Variants in FBXL17 observed in about 807,000 individuals in gnomAD.
FBXL17 encodes the protein F-box/LRR-repeat protein 17.
A neutral mutation model predicts 66.2 loss-of-function variants in FBXL17; 22 were observed. The ratio of observed to expected loss-of-function variants is 0.33; its 90% CI spans 0.24 to 0.47. The LOEUF (loss-of-function observed/expected upper bound fraction) is 0.47. Ranked by LOEUF, FBXL17 falls within the 20% of genes least tolerant of loss-of-function variation. FBXL17 has a pLI of 1.00. For missense variants in FBXL17, 878 were observed against 948.2 expected (o/e 0.93, Z 0.97); for synonymous variants, 474 against 400.5 (o/e 1.18, Z -2.19).
Position 108,100,168 on chromosome 5 carries a change from T to C in FBXL17, c.1746-79167A>G, listed in dbSNP as rs144810023. ...AGTAAAAATAGATTATTTACAATTG[T>C]ATTATTTGCATAGCATACAAATTTT... On this transcript the variant is annotated intron_variant, in intron 6 of 8. Transcript: ENST00000542267. 1.5e-4 allele frequency among the ~76,000 whole-genome samples: 23 copies of C among 152,290 alleles called. No homozygotes were observed. The East Asian group carries it at 3.3e-3, about 22-fold the overall frequency.
intron 6 of FBXL17, among the ~76,000 whole-genome samples, chr5:108,085,697 G>A (rs1358959878): frequency 1.3e-5 from 2 of 152,180 alleles, no homozygotes; most frequent in Non-Finnish European, 2.9e-5. Context: ...CACACTGGGA[G>A]GCAGAGACAA....
intron 7 of FBXL17, among the ~76,000 whole-genome samples, chr5:107,974,514 A>G (rs916887074): frequency 4.6e-5 from 7 of 152,166 alleles, no homozygotes; most frequent in Middle Eastern, 3.2e-3. Flanking sequence ...TTTCCATCAG[A>G]CAATATTTCT....
chr5:108,057,719 G>A (rs1015659102), intron 6 of FBXL17, among the ~76,000 whole-genome samples: 4 of 152,102 alleles, frequency 2.6e-5, no homozygotes, highest in South Asian at 2.1e-4. Flanking sequence ...TCTTAAATCC[G>A]TCCTAAGGGA....
At chr5:108,187,803 C>G (rs999557815) in intron 5 of FBXL17, among the ~76,000 whole-genome samples, 35 of 152,208 alleles carry the variant, frequency 2.3e-4, no homozygotes, top group African/African-American at 8.0e-4. Context: ...CTGTGTCAGA[C>G]AGGCTTCTAA....
intron 7 of FBXL17, among the ~76,000 whole-genome samples, chr5:108,002,063 T>A (rs1183148672): frequency 6.6e-6 from 1 of 152,128 alleles, no homozygotes; most frequent in Non-Finnish European, 1.5e-5. Context: ...TCACCCAGGT[T>A]GGAGTGCAAT....
chr5:107,943,063 C>T (rs1561331982), intron 7 of FBXL17, among the ~76,000 whole-genome samples: 1 of 152,158 alleles, frequency 6.6e-6, no homozygotes, highest in African/African-American at 2.4e-5. Context: ...TATTTGCTTG[C>T]TCTTGCTGGC....
intron 7 of FBXL17, among the ~76,000 whole-genome samples, chr5:107,926,161 C>T (rs1226587107): frequency 1.3e-5 from 2 of 152,152 alleles, no homozygotes; most frequent in African/African-American, 4.8e-5. Context: ...ATCAGGCACT[C>T]ACTAAATATG....
At chr5:107,986,483 A>C (rs545601982) in intron 7 of FBXL17, among the ~76,000 whole-genome samples, 3 of 151,838 alleles carry the variant, frequency 2.0e-5, no homozygotes, top group South Asian at 4.2e-4. Context: ...TTTTGTTTGC[A>C]ATGTAAGATT....
chr5:108,299,369 T>C (rs1758485401), intron 4 of FBXL17: 6 of 984,318 alleles, frequency 6.1e-6, no homozygotes, highest in Non-Finnish European at 7.2e-6. Context: ...TAGTACAGTT[T>C]TCAAACTACG....
intron 6 of FBXL17, among the ~76,000 whole-genome samples, chr5:108,145,409 A>C (rs1345980381): frequency 6.6e-6 from 1 of 152,182 alleles, no homozygotes; most frequent in East Asian, 1.9e-4. Context: ...AGAACTCTAA[A>C]GTTCATAAAA....
At chr5:108,348,630 G>A (rs1281758033) in intron 3 of FBXL17, 100 bp from the exon 4 acceptor site, 2 of 1,160,022 alleles carry the variant, frequency 1.7e-6, no homozygotes, top group African/African-American at 3.1e-5. Flanking sequence ...CCACGTCAGA[G>A]TTAAATATTT....
intron 6 of FBXL17, among the ~76,000 whole-genome samples, chr5:108,061,528 C>T (rs1050901945): frequency 2.6e-5 from 4 of 151,974 alleles, no homozygotes; most frequent in Admixed American, 6.6e-5. Flanking sequence ...AGTCACAAAT[C>T]GTTCAAAAGT....
chr5:107,930,243 T>C (rs887785568), intron 7 of FBXL17, among the ~76,000 whole-genome samples: 1 of 152,162 alleles, frequency 6.6e-6, no homozygotes, highest in African/African-American at 2.4e-5. Context: ...TTCTTGTCCA[T>C]TCCCCCTGTT....
chr5:107,986,907 C>T lies in FBXL17; in HGVS notation c.1822+34018G>A, dbSNP rs532161903. Among the ~76,000 whole-genome samples the T allele has an allele frequency of 1.2e-4, 18 of 151,964 alleles. No homozygotes were observed. In the East Asian group the frequency reaches 3.5e-3, roughly 29 times the overall value. On this transcript the variant is annotated intron_variant, in intron 7 of 8. Transcript: ENST00000542267. ...ACCTGGAAGATAAATTTTGGGAAAA[C>T]TATGTTTATATGGTTGATCACTTTT...
intron 4 of FBXL17, among the ~76,000 whole-genome samples, chr5:108,344,332 G>A (rs887670175): frequency 2.6e-5 from 4 of 152,016 alleles, no homozygotes; most frequent in Admixed American, 6.6e-5. Flanking sequence ...TCAACTAAGA[G>A]ACTGAAAAGT....
chr5:107,910,535 C>G (rs1390890830), intron 7 of FBXL17, among the ~76,000 whole-genome samples: 1 of 151,978 alleles, frequency 6.6e-6, no homozygotes, highest in Non-Finnish European at 1.5e-5. Flanking sequence ...ATTCCCAATA[C>G]CCAGTATATT....
In FBXL17 at chr5:108,381,828, G is replaced by C. The variant is rs1256318377; in HGVS notation, c.-137C>G. On this transcript the variant is annotated 5_prime_UTR_variant, in exon 1 of 9. Transcript: ENST00000542267. ...TTCCTGCGCACACACACGCACACAC[G>C]GGCACACACGCGACGGTGGGGGGTG... The C allele has an allele frequency of 1.5e-6, 2 of 1,304,196 alleles. No homozygotes were observed. The highest frequency in any genetic ancestry group is 1.5e-5 in the African/African-American group (1 of 64,672). 80.8% of individuals were successfully genotyped at this position (1,304,196 alleles called of 1,614,324 possible). A position where few individuals can be genotyped will look rare whatever the true frequency, so the allele number is the denominator to read the frequency against.
At chr5:108,379,494 GAAC>G (rs1307257685) in intron 1 of FBXL17, among the ~76,000 whole-genome samples, 4 of 147,194 alleles carry the variant, frequency 2.7e-5, no homozygotes, top group Admixed American at 6.7e-5. Context: ...TCACTCACAA[GAAC>G]AATAATATCA....
intron 8 of FBXL17, 100 bp from the exon 9 acceptor site, chr5:107,861,960 A>AGT: frequency 7.8e-7 from 1 of 1,275,820 alleles, no homozygotes; most frequent in Non-Finnish European, 1.0e-6. Flanking sequence ...TGTGACACGA[A>AGT]GAGCCCTCGC....
Sources: gnomAD v4.1 joint callset for allele counts (sites outside exome capture counted in the v4.1 genomes callset) on GRCh38, gnomAD v4.1.1 for gene constraint, MANE v1.5 for transcripts, NCBI Gene and HGNC (gene_info 2026-07-23, HGNC 2026-07-21) for gene names.